The following MBP variants were observed in gnomAD, a reference collection of about 807,000 sequenced individuals.
The protein encoded by MBP is myelin basic protein.
Under a neutral mutation model 35.8 loss-of-function variants are expected in MBP, and 16 were observed. The observed-to-expected ratio is 0.45, with a 90% CI of 0.30 to 0.68. The LOEUF (loss-of-function observed/expected upper bound fraction) is 0.68, where lower values mean the gene tolerates loss of function less well. MBP is among the 30% of genes least tolerant of loss of function. The pLI, the probability that MBP is intolerant of heterozygous loss-of-function variation, is 0.08. For missense variants in MBP, 380 were observed against 404.7 expected (o/e 0.94, Z 0.52); for synonymous variants, 143 against 159.6 (o/e 0.90, Z 0.78).
intron 1 of MBP, chr18:77,114,340 T>C (rs1976577160): frequency 6.6e-6 from 1 of 152,176 alleles, no homozygotes; most frequent in Non-Finnish European, 1.5e-5. Context: ...GAGAAAGCCA[T>C]TATCAGAATC....
At chr18:77,108,744 A>G (rs2145152929) in intron 1 of MBP, 1 of 152,368 alleles carries the variant, frequency 6.6e-6, no homozygotes, top group East Asian at 1.9e-4. Flanking sequence ...CCTTGGTGGA[A>G]CCACAGGATA....
chr18:77,063,177 C>T (rs1974052934), intron 3 of MBP, among the ~76,000 whole-genome samples: 1 of 152,202 alleles, frequency 6.6e-6, no homozygotes. Context: ...CAAGGTTATA[C>T]AGCCAAGACT....
intron 3 of MBP, among the ~76,000 whole-genome samples, chr18:77,032,179 G>GC (rs1972565248): frequency 6.6e-6 from 1 of 152,236 alleles, no homozygotes; most frequent in Non-Finnish European, 1.5e-5. Context: ...GTGGGCCAGG[G>GC]CCAAAGAGGA....
At chr18:77,104,437 A>G (rs1228374520) in intron 2 of MBP, among the ~76,000 whole-genome samples, 1 of 152,180 alleles carries the variant, frequency 6.6e-6, no homozygotes, top group African/African-American at 2.4e-5. Context: ...AAAGGAGGTT[A>G]TCGATCTAGG....
At chr18:77,030,203 T>C (rs1330448740) in intron 3 of MBP, among the ~76,000 whole-genome samples, 2 of 152,138 alleles carry the variant, frequency 1.3e-5, no homozygotes, top group Non-Finnish European at 2.9e-5. Context: ...TGGGAATGGC[T>C]CCTGGAAATA....
chr18:77,038,485 C>G lies in MBP; in HGVS notation c.140-21217G>C, dbSNP rs373676591. Among the ~76,000 whole-genome samples, 21 of 152,258 alleles carry G rather than the reference C, an allele frequency of 1.4e-4. No homozygotes were observed. The East Asian group carries it at 3.5e-3, about 25-fold the overall frequency. On this transcript the variant is annotated intron_variant, in intron 3 of 8. Coordinates refer to ENST00000355994, the MANE Select transcript of MBP (RefSeq NM_001025101.2). ...GCACGCTGGCAGTAGAAAGGCAAAC[C>G]CTTTGTTTGACATCATATTTGGTGT... is the stretch of plus-strand genomic sequence containing the variant.
chr18:77,100,490 G>A (rs1975953725), intron 2 of MBP, among the ~76,000 whole-genome samples: 1 of 150,756 alleles, frequency 6.6e-6, no homozygotes, highest in Non-Finnish European at 1.5e-5. Flanking sequence ...TGTTAGCGCT[G>A]GCCTAGATAG....
intron 4 of MBP, among the ~76,000 whole-genome samples, chr18:76,991,672 A>G (rs999374109): frequency 1.3e-5 from 2 of 152,200 alleles, no homozygotes; most frequent in Non-Finnish European, 2.9e-5. Context: ...GCCTGCATGT[A>G]AAGAGCCCAC....
intron 4 of MBP, 110 bp downstream of exon 4, chr18:77,016,722 G>T: frequency 6.7e-7 from 1 of 1,492,970 alleles, no homozygotes; most frequent in South Asian, 1.3e-5. Context: ...CGAGACCTTA[G>T]ACAGCAAGAG....
chr18:77,062,510 CG>C (rs780749084), intron 3 of MBP, among the ~76,000 whole-genome samples: 3 of 83,486 alleles, frequency 3.6e-5, no homozygotes, highest in African/African-American at 2.0e-4. Context: ...AGAAAGCTGT[CG>C]AAAAAAAAAA....
chr18:77,118,156 G>A (rs1976753990), intron 1 of MBP, among the ~76,000 whole-genome samples: 1 of 99,614 alleles, frequency 1.0e-5, no homozygotes, highest in African/African-American at 4.1e-5. Flanking sequence ...GGGTTGGGGT[G>A]GGATGGGGAC....
Position 77,068,525 on chromosome 18 carries a change from G to A in MBP, c.52-2140C>T, listed in dbSNP as rs567062902. Among the ~76,000 whole-genome samples, 23 of 152,248 alleles carry A rather than the reference G, an allele frequency of 1.5e-4. 1 individual carries two copies. Among genetic ancestry groups the A allele is most frequent in the South Asian group, 1.0e-3 (5 of 4,826 alleles). On this transcript the variant is annotated intron_variant, in intron 2 of 8. Coordinates refer to ENST00000355994, the MANE Select transcript of MBP (RefSeq NM_001025101.2). The stretch of plus-strand genomic sequence containing the variant: ...GTTTATAAACCAACCTCCTCTGCTC[G>A]GCTCATTGGAGCACTCATTCTGTTT...
intron 8 of MBP, chr18:76,981,623 A>C (rs2084493014): frequency 6.6e-6 from 1 of 152,246 alleles, no homozygotes; most frequent in Admixed American, 6.5e-5. Flanking sequence ...CTAGCCTGCG[A>C]AGCCGCTTCA....
At chr18:77,126,383 T>C (rs1392210468) in intron 1 of MBP, among the ~76,000 whole-genome samples, 2 of 152,156 alleles carry the variant, frequency 1.3e-5, no homozygotes, top group Non-Finnish European at 2.9e-5. Flanking sequence ...CATTCATGAA[T>C]AGACATGGAC....
chr18:77,038,223 A>G (rs1369943525), intron 3 of MBP, among the ~76,000 whole-genome samples: 2 of 152,250 alleles, frequency 1.3e-5, no homozygotes, highest in Non-Finnish European at 2.9e-5. Context: ...GGGGAACAAC[A>G]GTTCAGTTTA....
chr18:77,067,570 G>A lies in MBP; in HGVS notation c.52-1185C>T, dbSNP rs8084038. Among the ~76,000 whole-genome samples, 898 of 152,294 alleles carry A rather than the reference G, an allele frequency of 5.9e-3. 8 individuals carry two copies. The highest frequency in any genetic ancestry group is 0.02 in the African/African-American group (840 of 41,550). On this transcript the variant is annotated intron_variant, in intron 2 of 8. Coordinates refer to ENST00000355994, the MANE Select transcript of MBP (RefSeq NM_001025101.2). The stretch of plus-strand genomic sequence containing the variant: ...ACTTCTCAGAATGCACATGGCCAAG[G>A]AGTATTTCTGGAGGAGGAATGAGTC...
At chr18:77,112,287 G>C (rs1425272469) in intron 1 of MBP, among the ~76,000 whole-genome samples, 4 of 152,228 alleles carry the variant, frequency 2.6e-5, no homozygotes, top group Admixed American at 1.3e-4. Context: ...TGGCGGCAAA[G>C]CTGTGGGATG....
At chr18:77,092,303 G>T (rs1389024972) in intron 2 of MBP, among the ~76,000 whole-genome samples, 3 of 152,152 alleles carry the variant, frequency 2.0e-5, no homozygotes, top group Non-Finnish European at 4.4e-5. Context: ...TGTCCCTCGC[G>T]GGGGCATCTG....
In MBP at chr18:77,067,211, C is replaced by T. The variant is rs1446253692; in HGVS notation, c.52-826G>A. ...AAACCCCGGGGTCTCCTGGATGCCC[C>T]CCCGCCCCCTTCTGGGAGGCAGCTG... On this transcript the variant is annotated intron_variant, in intron 2 of 8. Transcript: ENST00000355994. 2.6e-5 allele frequency among the ~76,000 whole-genome samples: 4 copies of T among 152,324 alleles called. No homozygotes were observed. In the East Asian group the frequency reaches 7.7e-4, roughly 29 times the overall value.
Sources: gnomAD v4.1 joint callset for allele counts (sites outside exome capture counted in the v4.1 genomes callset) on GRCh38, gnomAD v4.1.1 for gene constraint, MANE v1.5 for transcripts, NCBI Gene and HGNC (gene_info 2026-07-23, HGNC 2026-07-21) for gene names.